FGF12: variants seen among roughly 807,000 people sequenced by gnomAD.
FGF12 encodes the protein fibroblast growth factor 12.
In FGF12, 14 loss-of-function variants were observed where a neutral mutation model predicts 23.6. The ratio of observed to expected loss-of-function variants is 0.59; its 90% CI spans 0.39 to 0.93. The LOEUF (loss-of-function observed/expected upper bound fraction) is 0.93. FGF12 is among the 40% of genes least tolerant of loss of function. The pLI, the probability that FGF12 is intolerant of heterozygous loss-of-function variation, is 0.00. For missense variants in FGF12, 175 were observed against 217.8 expected (o/e 0.80, Z 1.24); for synonymous variants, 62 against 77.3 (o/e 0.80, Z 1.04).
chr3:192,377,393 C>T (rs562000762), intron 2 of FGF12, among the ~76,000 whole-genome samples: 1 of 152,200 alleles, frequency 6.6e-6, no homozygotes, highest in African/African-American at 2.4e-5. Flanking sequence ...TTTTCTGGCA[C>T]ATAGAGATTT....
chr3:192,175,662 C>A (rs368769161), intron 4 of FGF12, among the ~76,000 whole-genome samples: 3 of 152,092 alleles, frequency 2.0e-5, no homozygotes, highest in African/African-American at 7.2e-5. Context: ...TTTCACATTC[C>A]AAATACCTGT....
At chr3:192,252,974 G>A (rs1712137923) in intron 4 of FGF12, among the ~76,000 whole-genome samples, 1 of 152,254 alleles carries the variant, frequency 6.6e-6, no homozygotes, top group South Asian at 2.1e-4. Flanking sequence ...CACATCAGTT[G>A]TTGAATAAAA....
Position 192,289,529 on chromosome 3 carries a change from C to T in FGF12, c.228+45832G>A, listed in dbSNP as rs76928050. 6.0e-3 allele frequency among the ~76,000 whole-genome samples: 914 copies of T among 152,124 alleles called. 9 individuals carry two copies. Among genetic ancestry groups the T allele is most frequent in the African/African-American group, 0.021 (892 of 41,494 alleles). ...CGAAAATACAATGACCATTCTAAGT[C>T]GATATGTGTGAGGAAGAGACTGGAA... On this transcript the variant is annotated intron_variant, in intron 4 of 5. Transcript: ENST00000445105.
intron 2 of FGF12, among the ~76,000 whole-genome samples, chr3:192,412,781 C>T (rs1290837177): frequency 6.6e-6 from 1 of 152,200 alleles, no homozygotes. Flanking sequence ...AAGTCTTTCT[C>T]CACAGTTACT....
At chr3:192,229,946 T>C (rs1718935010) in intron 4 of FGF12, among the ~76,000 whole-genome samples, 1 of 145,704 alleles carries the variant, frequency 6.9e-6, no homozygotes, top group East Asian at 2.3e-4. Context: ...GTTGTAAAAA[T>C]GGATGATACA....
chr3:192,652,569 G>C (rs1716253343), intron 2 of FGF12, among the ~76,000 whole-genome samples: 1 of 152,170 alleles, frequency 6.6e-6, no homozygotes, highest in Non-Finnish European at 1.5e-5. Flanking sequence ...CTTAAGAACG[G>C]TTCTCAAAGT....
intron 2 of FGF12, among the ~76,000 whole-genome samples, chr3:192,712,197 A>G (rs907905172): frequency 6.6e-6 from 1 of 151,702 alleles, no homozygotes; most frequent in Non-Finnish European, 1.5e-5. Flanking sequence ...GAAATAAAAC[A>G]TATGAAAAAT....
intron 2 of FGF12, among the ~76,000 whole-genome samples, chr3:192,671,070 G>C (rs907195281): frequency 6.6e-6 from 1 of 152,138 alleles, no homozygotes; most frequent in Non-Finnish European, 1.5e-5. Context: ...CTGGAATATC[G>C]TAAGTACGAA....
At chr3:192,573,182 A>C (rs1470801759) in intron 2 of FGF12, among the ~76,000 whole-genome samples, 1 of 151,890 alleles carries the variant, frequency 6.6e-6, no homozygotes, top group African/African-American at 2.4e-5. Flanking sequence ...TATGGAACCT[A>C]CTTCTGAACT....
intron 4 of FGF12, among the ~76,000 whole-genome samples, chr3:192,182,098 T>C (rs1716211053): frequency 6.6e-6 from 1 of 152,146 alleles, no homozygotes; most frequent in South Asian, 2.1e-4. Flanking sequence ...TATAATTAAT[T>C]ATAGGCTGGA....
At chr3:192,575,339 A>G (rs1712827398) in intron 2 of FGF12, among the ~76,000 whole-genome samples, 1 of 152,268 alleles carries the variant, frequency 6.6e-6, no homozygotes, top group Admixed American at 6.5e-5. Flanking sequence ...TAATCTGTCA[A>G]TTAAACCTCA....
chr3:192,618,752 T>C (rs11706695), intron 2 of FGF12, among the ~76,000 whole-genome samples: 35,032 of 151,682 alleles, frequency 0.23, 4,951 homozygotes, highest in South Asian at 0.32. Context: ...TAGATCAAAG[T>C]TCGACTATCT....
At chr3:192,547,981 C>T (rs920027283) in intron 2 of FGF12, among the ~76,000 whole-genome samples, 2 of 152,112 alleles carry the variant, frequency 1.3e-5, no homozygotes, top group Non-Finnish European at 2.9e-5. Flanking sequence ...TGACTAGAAC[C>T]AGAAATGAAG....
rs59639014 is a variant in FGF12, at chr3:192,312,746, CA to C, written c.228+22614del. On this transcript the variant is annotated intron_variant, in intron 4 of 5. Transcript: ENST00000445105. Reference sequence around the variant, plus strand: ...TGGGCAACAGAGTGAGACTCGGTCTCAAAAAAAAAAAAAAATTATGCCAAGA... The same window carrying C: ...TGGGCAACAGAGTGAGACTCGGTCTCAAAAAAAAAAAAAATTATGCCAAGA... Among the ~76,000 whole-genome samples, 739 of 129,204 alleles carry C rather than the reference CA, an allele frequency of 5.7e-3. 4 individuals are homozygous for C. The highest frequency in any genetic ancestry group is 0.012 in the African/African-American group (442 of 37,962). 84.8% of individuals were successfully genotyped at this position (129,204 alleles called of 152,430 possible). A position where few individuals can be genotyped will look rare whatever the true frequency, so the allele number is the denominator to read the frequency against.
At chr3:192,547,008 A>C (rs1392753332) in intron 2 of FGF12, among the ~76,000 whole-genome samples, 1 of 152,070 alleles carries the variant, frequency 6.6e-6, no homozygotes, top group Non-Finnish European at 1.5e-5. Flanking sequence ...CTGAGATTGC[A>C]CCACTGCACT....
At chr3:192,174,286 C>T (rs1351920006) in intron 4 of FGF12, among the ~76,000 whole-genome samples, 1 of 152,196 alleles carries the variant, frequency 6.6e-6, no homozygotes, top group African/African-American at 2.4e-5. Context: ...AGCTGGAGTC[C>T]TGGGGTCCTG....
chr3:192,714,507 G>A (rs1017685216), intron 2 of FGF12, among the ~76,000 whole-genome samples: 14 of 139,308 alleles, frequency 1.0e-4, no homozygotes, highest in Admixed American at 3.8e-4. Flanking sequence ...AGATCTTAAG[G>A]AAATAATTTT....
chr3:192,388,292 A>C (rs1260728170), intron 2 of FGF12, among the ~76,000 whole-genome samples: 1 of 152,182 alleles, frequency 6.6e-6, no homozygotes, highest in Non-Finnish European at 1.5e-5. Context: ...ATAAAACATA[A>C]GTGTCTATAA....
intron 5 of FGF12, among the ~76,000 whole-genome samples, chr3:192,170,112 C>A (rs1465734839): frequency 7.2e-6 from 1 of 138,782 alleles, no homozygotes; most frequent in Non-Finnish European, 1.5e-5. Flanking sequence ...TTTTTAAGTG[C>A]CAAGTATTTG....
Sources: allele counts gnomAD v4.1 joint callset (sites outside exome capture counted in the v4.1 genomes callset), GRCh38; gene constraint gnomAD v4.1.1; transcripts MANE v1.5; gene names NCBI Gene and HGNC (gene_info 2026-07-23, HGNC 2026-07-21).